FAM193A: variants seen among roughly 807,000 people sequenced by gnomAD.
FAM193A encodes the protein family with sequence similarity 193 member A, also known as protein FAM193A.
FAM193A carries 22 observed loss-of-function variants against 126.5 expected under a neutral mutation model. That is an observed-to-expected ratio of 0.17 (90% CI 0.12 to 0.25). FAM193A has a LOEUF of 0.25. FAM193A is among the 10% of genes least tolerant of loss of function. The pLI, the probability that FAM193A is intolerant of heterozygous loss-of-function variation, is 1.00. For missense variants in FAM193A, 1,675 were observed against 1,672.8 expected (o/e 1.00, Z -0.02); for synonymous variants, 761 against 646.8 (o/e 1.18, Z -2.68).
intron 13 of FAM193A, among the ~76,000 whole-genome samples, chr4:2,683,925 C>G (rs1290412834): frequency 6.6e-6 from 1 of 152,162 alleles, no homozygotes; most frequent in African/African-American, 2.4e-5. Flanking sequence ...CTTGCAGCTC[C>G]CTGACTCTTT....
At chr4:2,593,743 C>A (rs2108903071) in intron 1 of FAM193A, among the ~76,000 whole-genome samples, 1 of 152,256 alleles carries the variant, frequency 6.6e-6, no homozygotes, top group South Asian at 2.1e-4. Context: ...CCCAGCATCT[C>A]ATTCTGTAAT....
chr4:2,622,967 C>T (rs532692580), intron 2 of FAM193A, among the ~76,000 whole-genome samples: 3 of 152,262 alleles, frequency 2.0e-5, no homozygotes, highest in East Asian at 1.9e-4. Context: ...GTAGGGACTT[C>T]GTGCTGGACT....
At chr4:2,729,199 G>A (rs1262036812) in intron 20 of FAM193A, among the ~76,000 whole-genome samples, 1 of 152,202 alleles carries the variant, frequency 6.6e-6, no homozygotes, top group Non-Finnish European at 1.5e-5. Flanking sequence ...GCTCAAGCAT[G>A]TGCACTAAGG....
intron 5 of FAM193A, among the ~76,000 whole-genome samples, chr4:2,635,061 A>G (rs1221865821): frequency 6.6e-6 from 1 of 152,238 alleles, no homozygotes; most frequent in Non-Finnish European, 1.5e-5. Context: ...GTCTCTAAAA[A>G]TAGTCATCCA....
intron 19 of FAM193A, among the ~76,000 whole-genome samples, chr4:2,702,958 A>C (rs1328966044): frequency 1.3e-5 from 2 of 150,720 alleles, no homozygotes; most frequent in Admixed American, 6.6e-5. Context: ...TTTCTCCCCT[A>C]CCCAGTTCCT....
chr4:2,540,856 G>C (rs761847389), intron 1 of FAM193A, among the ~76,000 whole-genome samples: 5 of 151,786 alleles, frequency 3.3e-5, no homozygotes, highest in Non-Finnish European at 7.4e-5. Context: ...AGCTACTCCG[G>C]ACGCTGAGGC....
chr4:2,693,560 A>G (rs1363124818), intron 15 of FAM193A, 26 bp from the exon 16 acceptor site: 1 of 1,588,600 alleles, frequency 6.3e-7, no homozygotes, highest in South Asian at 1.1e-5. Context: ...CAAACTTGGC[A>G]GTGACTCTCG....
At chr4:2,590,149 AG>A (rs199730387) in intron 1 of FAM193A, among the ~76,000 whole-genome samples, 5 of 144,186 alleles carry the variant, frequency 3.5e-5, no homozygotes, top group African/African-American at 1.1e-4. Context: ...AAAAAAAAAA[AG>A]AAAGAAAGAA....
At chr4:2,630,909 C>A in intron 4 of FAM193A, 26 bp from the exon 5 acceptor site, 2 of 1,377,518 alleles carry the variant, frequency 1.5e-6, no homozygotes, top group Non-Finnish European at 2.1e-6. Context: ...GGTGGGCAGG[C>A]CCTGGTGACC....
chr4:2,614,744 T>C (rs765517342), intron 2 of FAM193A, among the ~76,000 whole-genome samples: 1 of 152,260 alleles, frequency 6.6e-6, no homozygotes, highest in Non-Finnish European at 1.5e-5. Flanking sequence ...GGTCTGAAGT[T>C]GCCTTATTGG....
chr4:2,609,802 A>C (rs779486315), intron 2 of FAM193A, among the ~76,000 whole-genome samples: 1 of 152,082 alleles, frequency 6.6e-6, no homozygotes, highest in South Asian at 2.1e-4. Context: ...GGTGTTGTGC[A>C]TCTGTAGTCC....
Position 2,646,951 on chromosome 4 carries a change from A to G in FAM193A, c.1311+119A>G, listed in dbSNP as rs991317338. ...AGCCAGGAATTCCCGACTGAGGCCC[A>G]GAGGCGCATGTGGGTAGCCCCTGTG... On this transcript the variant is annotated intron_variant, in intron 7 of 20. Coordinates refer to ENST00000637812, the MANE Select transcript of FAM193A (RefSeq NM_001366318.2). The G allele has an allele frequency of 8.8e-6, 10 of 1,134,362 alleles. No homozygotes were observed. In the African/African-American group the frequency reaches 1.3e-4, roughly 14 times the overall value. The allele number at this position is 1,134,362 out of a possible 1,614,324, so 70.3% of individuals were successfully genotyped here. A position where few individuals can be genotyped will look rare whatever the true frequency, so the allele number is the denominator to read the frequency against.
intron 19 of FAM193A, chr4:2,715,282 G>C (rs896936146): frequency 6.5e-6 from 1 of 153,708 alleles, no homozygotes; most frequent in Non-Finnish European, 1.4e-5. Flanking sequence ...GGGCAACATG[G>C]TGAAACCCTG....
rs1437903236 is a variant in FAM193A at position 2,699,902 on chromosome 4, A to G, written c.3730A>G (p.Arg1244Gly). 6 of 1,614,026 alleles carry G rather than the reference A, an allele frequency of 3.7e-6. No individual in the cohort carries two copies. The Admixed American group carries it at 5.0e-5, about 13-fold the overall frequency. ...KDCPKLDMLT[R>G]NFQAATESVP... ...CTGCCCCAAGTTGGACATGCTCACT[A>G]GAAATTTCCAGGCAGCAACAGAGTC... The change falls in exon 19 of 21, where the codon AGA (arginine) becomes GGA (glycine). Residue 1244 changes from arginine to glycine, a missense_variant. Transcript: ENST00000637812.
chr4:2,710,458 C>G (rs1718821424), intron 19 of FAM193A, among the ~76,000 whole-genome samples: 1 of 151,708 alleles, frequency 6.6e-6, no homozygotes, highest in Admixed American at 6.6e-5. Flanking sequence ...CAGGTGGGAG[C>G]CACTGTGCCT....
At chr4:2,579,992 A>C (rs977062077) in intron 1 of FAM193A, among the ~76,000 whole-genome samples, 5 of 152,180 alleles carry the variant, frequency 3.3e-5, no homozygotes, top group African/African-American at 1.2e-4. Flanking sequence ...TGTTCATTGC[A>C]GCACTGTTCA....
chr4:2,671,659 G>T (rs1705228497), intron 12 of FAM193A, among the ~76,000 whole-genome samples: 1 of 152,186 alleles, frequency 6.6e-6, no homozygotes, highest in Non-Finnish European at 1.5e-5. Context: ...TTTTACATTT[G>T]CCCTGAGGGA....
rs779984639 is a variant in FAM193A, at chr4:2,672,335, C to G, written c.2294C>G (p.Pro765Arg). 43 of 1,614,066 alleles carry G rather than the reference C, an allele frequency of 2.7e-5. No homozygotes were observed. Among genetic ancestry groups the G allele is most frequent in the Non-Finnish European group, 3.5e-5 (41 of 1,180,040 alleles). ...VPHLPRPLIHPTLYATPPFTH... is the reference protein window; with the variant it reads ...VPHLPRPLIHRTLYATPPFTH... ...CACCTGCCACGCCCTCTCATCCACCCCACCTTGTATGCAACGCCCCCCTTC... is the reference window on the plus strand; with the variant it reads ...CACCTGCCACGCCCTCTCATCCACCGCACCTTGTATGCAACGCCCCCCTTC... Residue 765 changes from proline to arginine, a missense_variant, in exon 13 of 21, where the codon CCC becomes CGC. Physicochemically the swap from Pro to Arg is moderately radical, Grantham distance 103. Transcript: ENST00000637812.
At chr4:2,709,395 C>A (rs1718665977) in intron 19 of FAM193A, among the ~76,000 whole-genome samples, 1 of 152,040 alleles carries the variant, frequency 6.6e-6, no homozygotes, top group Non-Finnish European at 1.5e-5. Flanking sequence ...CAATATTATA[C>A]TTGCCTCATA....
Sources: allele counts gnomAD v4.1 joint callset (sites outside exome capture counted in the v4.1 genomes callset), GRCh38; gene constraint gnomAD v4.1.1; transcripts MANE v1.5; gene names NCBI Gene and HGNC (gene_info 2026-07-23, HGNC 2026-07-21).